CSMD1: variants seen among roughly 807,000 people sequenced by gnomAD.
CSMD1 encodes the protein CUB and Sushi multiple domains 1, also known as CUB and sushi domain-containing protein 1.
A neutral mutation model predicts 417.5 loss-of-function variants in CSMD1; 213 were observed. That is an observed-to-expected ratio of 0.51 (90% CI 0.46 to 0.57). The LOEUF (loss-of-function observed/expected upper bound fraction) is 0.57, where lower values mean the gene tolerates loss of function less well. CSMD1 is among the 20% of genes least tolerant of loss of function. The pLI, the probability that CSMD1 is intolerant of heterozygous loss-of-function variation, is 0.00. For missense variants in CSMD1, 6,923 were observed against 4,529.7 expected (o/e 1.53, Z -15.17); for synonymous variants, 2,862 against 1,736.8 (o/e 1.65, Z -16.11).
At chr8:3,562,382 A>G (rs908662733) in intron 10 of CSMD1, among the ~76,000 whole-genome samples, 1 of 152,104 alleles carries the variant, frequency 6.6e-6, no homozygotes, top group South Asian at 2.1e-4. Flanking sequence ...ATGCACACAC[A>G]CACACGTACA....
At chr8:4,043,775 G>C (rs1209307799) in intron 3 of CSMD1, among the ~76,000 whole-genome samples, 2 of 152,044 alleles carry the variant, frequency 1.3e-5, no homozygotes, top group African/African-American at 2.4e-5. Context: ...TCAAATGCTG[G>C]AACGCTTTAT....
intron 4 of CSMD1, among the ~76,000 whole-genome samples, chr8:4,020,741 T>C (rs554678971): frequency 6.6e-6 from 1 of 152,356 alleles, no homozygotes; most frequent in African/African-American, 2.4e-5. Context: ...TCTTCATTCA[T>C]TAGACCCAAC....
intron 1 of CSMD1, among the ~76,000 whole-genome samples, chr8:4,685,255 C>G (rs1171671960): frequency 6.6e-6 from 1 of 152,160 alleles, no homozygotes; most frequent in Non-Finnish European, 1.5e-5. Context: ...AAGTACAGGT[C>G]TACTTACCAC....
Position 3,230,045 on chromosome 8 carries a change from C to T in CSMD1, c.4340G>A (p.Cys1447Tyr). ...RFFWQPDPPTCIAACGGNLTG... is the reference protein window; with the variant it reads ...RFFWQPDPPTYIAACGGNLTG... ...TAAGTTCTGTTGTCTGATACCTATG[C>T]ATGTAGGAGGGTCTGGTTGCCAAAA... Residue 1447 changes from cysteine (C) to tyrosine (Y), a missense_variant, in exon 27 of 70, where the codon TGC becomes TAC. Transcript: ENST00000635120. 1 of 1,589,270 alleles carries T rather than the reference C, an allele frequency of 6.3e-7. No individual in the cohort carries two copies. The highest frequency in any genetic ancestry group is 8.6e-7 in the Non-Finnish European group (1 of 1,167,202).
intron 54 of CSMD1, among the ~76,000 whole-genome samples, chr8:2,992,308 T>A (rs941840983): frequency 2.0e-5 from 3 of 152,166 alleles, no homozygotes; most frequent in Non-Finnish European, 4.4e-5. Context: ...TTTGGGGTGA[T>A]GAAACATCTG....
At chr8:4,113,587 G>A (rs756565260) in intron 3 of CSMD1, among the ~76,000 whole-genome samples, 4 of 151,876 alleles carry the variant, frequency 2.6e-5, no homozygotes, top group African/African-American at 7.3e-5. Flanking sequence ...TGTTATTTTA[G>A]TAGAGACAGA....
intron 5 of CSMD1, among the ~76,000 whole-genome samples, chr8:3,858,200 T>G (rs531293705): frequency 6.6e-6 from 1 of 152,364 alleles, no homozygotes; most frequent in South Asian, 2.1e-4. Flanking sequence ...CTATTTCCAT[T>G]CTTTAAAATC....
chr8:3,453,108 G>C (rs1187558661), intron 12 of CSMD1, among the ~76,000 whole-genome samples: 1 of 152,296 alleles, frequency 6.6e-6, no homozygotes, highest in South Asian at 2.1e-4. Context: ...TTTGCATAGA[G>C]GTGGTTATAG....
intron 4 of CSMD1, among the ~76,000 whole-genome samples, chr8:4,013,466 G>C (rs1400899601): frequency 2.6e-5 from 4 of 152,142 alleles, no homozygotes; most frequent in Non-Finnish European, 5.9e-5. Context: ...TCCAGGACAT[G>C]GGATCTTAGG....
chr8:3,968,327 G>C lies in CSMD1; in HGVS notation c.818+29576C>G, dbSNP rs550242694. Among the ~76,000 whole-genome samples, 5 of 152,240 alleles carry C rather than the reference G, an allele frequency of 3.3e-5. No homozygotes were observed. The East Asian group carries it at 7.7e-4, about 24-fold the overall frequency. ...AGGCAGCATGAGTATTGCCTGGACA[G>C]AGGGCTATAATCTCCCTGATCCTAC... On this transcript the variant is annotated intron_variant, in intron 5 of 69. Coordinates refer to ENST00000635120, the MANE Select transcript of CSMD1 (RefSeq NM_033225.6).
chr8:3,601,560 T>C (rs1801362090), intron 8 of CSMD1, among the ~76,000 whole-genome samples: 2 of 152,132 alleles, frequency 1.3e-5, no homozygotes, highest in African/African-American at 4.8e-5. Flanking sequence ...AGGTCTAACA[T>C]TGAGTTACCT....
At chr8:4,282,793 T>C (rs1796858883) in intron 3 of CSMD1, among the ~76,000 whole-genome samples, 1 of 152,300 alleles carries the variant, frequency 6.6e-6, no homozygotes, top group East Asian at 1.9e-4. Flanking sequence ...GTAATTACAC[T>C]TCATAATGGA....
chr8:3,191,821 C>T (rs1205475712), intron 33 of CSMD1, among the ~76,000 whole-genome samples: 1 of 152,126 alleles, frequency 6.6e-6, no homozygotes, highest in Non-Finnish European at 1.5e-5. Flanking sequence ...TTGTTTTTGT[C>T]CTCTGCAGTG....
At chr8:3,656,409 A>T (rs1187233889) in intron 7 of CSMD1, among the ~76,000 whole-genome samples, 1 of 152,082 alleles carries the variant, frequency 6.6e-6, no homozygotes, top group African/African-American at 2.4e-5. Flanking sequence ...CTCTCAGTGC[A>T]TCACCTATAC....
chr8:4,374,882 G>A (rs747708942), intron 3 of CSMD1, among the ~76,000 whole-genome samples: 1 of 141,570 alleles, frequency 7.1e-6, no homozygotes, highest in Non-Finnish European at 1.5e-5. Context: ...AGGACATGAA[G>A]CTGAAGAAGA....
intron 4 of CSMD1, among the ~76,000 whole-genome samples, chr8:3,999,447 G>A (rs762602288): frequency 4.6e-5 from 7 of 152,242 alleles, no homozygotes; most frequent in African/African-American, 1.4e-4. Context: ...ATCTTTCAGC[G>A]ATGTTCGTTT....
At chr8:3,485,305 C>T (rs563211646) in intron 11 of CSMD1, among the ~76,000 whole-genome samples, 22 of 152,114 alleles carry the variant, frequency 1.4e-4, no homozygotes, top group African/African-American at 4.1e-4. Context: ...TAACACACTA[C>T]GTGCTTCTAA....
intron 2 of CSMD1, among the ~76,000 whole-genome samples, chr8:4,476,806 A>C (rs558703953): frequency 2.2e-4 from 33 of 152,306 alleles, no homozygotes; most frequent in African/African-American, 7.0e-4. Context: ...GAAGTCCTCC[A>C]TCAAAACCCA....
At chr8:4,864,671 A>C (rs1480861171) in intron 1 of CSMD1, among the ~76,000 whole-genome samples, 1 of 151,770 alleles carries the variant, frequency 6.6e-6, no homozygotes, top group East Asian at 1.9e-4. Flanking sequence ...TAATAGTTCT[A>C]CTAACCTGGT....
Sources: gnomAD v4.1 joint callset for allele counts (sites outside exome capture counted in the v4.1 genomes callset) on GRCh38, gnomAD v4.1.1 for gene constraint, MANE v1.5 for transcripts, NCBI Gene and HGNC (gene_info 2026-07-23, HGNC 2026-07-21) for gene names.